Variants in CNTN5 observed in about 807,000 individuals in gnomAD.
The protein encoded by CNTN5 is contactin-5.
Under a neutral mutation model 129.1 loss-of-function variants are expected in CNTN5, and 77 were observed. The observed-to-expected ratio is 0.60, with a 90% CI of 0.50 to 0.72. The LOEUF is 0.72. Among genes scored for constraint, CNTN5 ranks in the 30% least tolerant of loss-of-function variants. The pLI, the probability that CNTN5 is intolerant of heterozygous loss-of-function variation, is 0.00. For synonymous variants in CNTN5, 509 were observed against 465.6 expected (o/e 1.09, Z -1.20); for missense variants, 1,478 against 1,328.8 (o/e 1.11, Z -1.75).
chr11:99,512,743 C>T (rs924413817), intron 2 of CNTN5, among the ~76,000 whole-genome samples: 1 of 151,984 alleles, frequency 6.6e-6, no homozygotes, highest in South Asian at 2.1e-4. Flanking sequence ...AAACAGATCC[C>T]ATATAAGAGG....
intron 10 of CNTN5, among the ~76,000 whole-genome samples, chr11:100,061,600 G>A (rs1943487080): frequency 6.6e-6 from 1 of 152,150 alleles, no homozygotes; most frequent in Non-Finnish European, 1.5e-5. Flanking sequence ...AATTATCGGT[G>A]TCTTTGTACA....
chr11:100,299,483 T>C, intron 20 of CNTN5, 87 bp downstream of exon 20: 1 of 768,500 alleles, frequency 1.3e-6, no homozygotes, highest in East Asian at 3.1e-5. Flanking sequence ...TATTAGAAAA[T>C]ACAAATAAGG....
At chr11:99,104,771 G>A (rs1332088099) in intron 1 of CNTN5, among the ~76,000 whole-genome samples, 1 of 152,054 alleles carries the variant, frequency 6.6e-6, no homozygotes, top group African/African-American at 2.4e-5. Context: ...GGGGTGAGGT[G>A]AATGAGGCAT....
At position 100,080,855 on chromosome 11, in the gene CNTN5, T is replaced by A. The variant is rs959503533; in HGVS notation, c.1580+6561T>A. Among the ~76,000 whole-genome samples the A allele has an allele frequency of 5.9e-5, 9 of 152,320 alleles. No homozygotes were observed. The East Asian group carries it at 1.3e-3, about 23-fold the overall frequency. On this transcript the variant is annotated intron_variant, in intron 13 of 24. Coordinates refer to ENST00000524871, the MANE Select transcript of CNTN5 (RefSeq NM_014361.4). Reference sequence around the variant, plus strand: ...GAATTTATATGTGAATTAATATCTATGTTTTCAAAAGAAATAAAATGATTA... The same window carrying A: ...GAATTTATATGTGAATTAATATCTAAGTTTTCAAAAGAAATAAAATGATTA...
chr11:99,346,686 G>T (rs779554648), intron 2 of CNTN5, among the ~76,000 whole-genome samples: 4 of 152,172 alleles, frequency 2.6e-5, no homozygotes, highest in Non-Finnish European at 5.9e-5. Context: ...ATTCCCAGTG[G>T]TATTATATTT....
At chr11:99,658,888 C>CAAAAAAAA (rs10673721) in intron 3 of CNTN5, among the ~76,000 whole-genome samples, 18 of 119,098 alleles carry the variant, frequency 1.5e-4, no homozygotes, top group South Asian at 6.1e-4. Flanking sequence ...AACTCTGTCT[C>CAAAAAAAA]AAAAAAAAAA....
intron 1 of CNTN5, among the ~76,000 whole-genome samples, chr11:99,039,688 G>C (rs1863911962): frequency 6.6e-6 from 1 of 151,998 alleles, no homozygotes; most frequent in African/African-American, 2.4e-5. Context: ...GCTTAACAAG[G>C]GAAAGAATGA....
At chr11:99,297,640 A>AAT (rs1344915722) in intron 1 of CNTN5, among the ~76,000 whole-genome samples, 2 of 152,136 alleles carry the variant, frequency 1.3e-5, no homozygotes, top group South Asian at 4.1e-4. Flanking sequence ...GGGCCTAATG[A>AAT]ATAAACCAGA....
At chr11:99,188,714 T>C (rs1242082589) in intron 1 of CNTN5, among the ~76,000 whole-genome samples, 1 of 151,750 alleles carries the variant, frequency 6.6e-6, no homozygotes, top group Non-Finnish European at 1.5e-5. Flanking sequence ...CTCGTTAGTA[T>C]TTTTACTAAT....
intron 6 of CNTN5, among the ~76,000 whole-genome samples, chr11:99,847,196 T>C (rs1045769541): frequency 6.6e-6 from 1 of 152,240 alleles, no homozygotes; most frequent in Non-Finnish European, 1.5e-5. Context: ...AAGCAAATCA[T>C]GCCAACTTTT....
At chr11:99,206,435 G>A (rs11218818) in intron 1 of CNTN5, among the ~76,000 whole-genome samples, 21,239 of 152,054 alleles carry the variant, frequency 0.14, 1,797 homozygotes, top group East Asian at 0.34. Context: ...GCTTTATTTT[G>A]TGTGTCTTTT....
intron 2 of CNTN5, among the ~76,000 whole-genome samples, chr11:99,553,324 C>T (rs1948556390): frequency 6.6e-6 from 1 of 152,030 alleles, no homozygotes; most frequent in Admixed American, 6.6e-5. Flanking sequence ...TTTCCAAATA[C>T]ACATCCTTCT....
intron 2 of CNTN5, among the ~76,000 whole-genome samples, chr11:99,403,756 C>T (rs981120503): frequency 6.6e-6 from 1 of 152,032 alleles, no homozygotes; most frequent in African/African-American, 2.4e-5. Flanking sequence ...TGTTTTAAGA[C>T]TTGTTTTGTG....
chr11:99,558,729 C>G (rs1265365008), intron 3 of CNTN5, among the ~76,000 whole-genome samples: 1 of 151,880 alleles, frequency 6.6e-6, no homozygotes, highest in African/African-American at 2.4e-5. Context: ...CATTGGAAGA[C>G]AGAAATAATT....
At chr11:99,848,708 T>C (rs960679482) in intron 6 of CNTN5, among the ~76,000 whole-genome samples, 1 of 152,180 alleles carries the variant, frequency 6.6e-6, no homozygotes, top group African/African-American at 2.4e-5. Flanking sequence ...TGAATACTTA[T>C]TTTTACCTTT....
At chr11:99,917,088 T>A (rs1187689533) in intron 7 of CNTN5, among the ~76,000 whole-genome samples, 1 of 152,154 alleles carries the variant, frequency 6.6e-6, no homozygotes, top group Non-Finnish European at 1.5e-5. Context: ...TTAAGACTTC[T>A]TTATCTTTAT....
chr11:100,087,465 A>G (rs1215353500), intron 13 of CNTN5, among the ~76,000 whole-genome samples: 1 of 151,860 alleles, frequency 6.6e-6, no homozygotes. Flanking sequence ...AGGGAAAATA[A>G]CCCTAACAAC....
intron 3 of CNTN5, among the ~76,000 whole-genome samples, chr11:99,703,726 TGATAA>T (rs1249142474): frequency 4.0e-5 from 6 of 150,976 alleles, no homozygotes; most frequent in African/African-American, 1.5e-4. Flanking sequence ...ATGCTTATAT[TGATAA>T]GATTTCAACA....
At chr11:99,667,725 C>T (rs538709481) in intron 3 of CNTN5, among the ~76,000 whole-genome samples, 7 of 152,150 alleles carry the variant, frequency 4.6e-5, no homozygotes, top group African/African-American at 1.7e-4. Context: ...TGTTCTCACT[C>T]ATAAGTGGGA....
Sources: gnomAD v4.1 joint callset for allele counts (sites outside exome capture counted in the v4.1 genomes callset) on GRCh38, gnomAD v4.1.1 for gene constraint, MANE v1.5 for transcripts, NCBI Gene and HGNC (gene_info 2026-07-23, HGNC 2026-07-21) for gene names.